The following SYT2 variants were observed in gnomAD, a reference collection of about 807,000 sequenced individuals.
The protein encoded by SYT2 is synaptotagmin 2.
A neutral mutation model predicts 39.9 loss-of-function variants in SYT2; 15 were observed. That is an observed-to-expected ratio of 0.38 (90% CI 0.25 to 0.58). The LOEUF (loss-of-function observed/expected upper bound fraction) is 0.58. Among genes scored for constraint, SYT2 ranks in the 20% least tolerant of loss-of-function variants. The pLI is 0.70. For synonymous variants in SYT2, 181 were observed against 204.5 expected, an observed-to-expected ratio of 0.89 and a Z score of 0.98; for missense variants, 389 against 530.3, an observed-to-expected ratio of 0.73 and a Z score of 2.62.
intron 1 of SYT2, among the ~76,000 whole-genome samples, chr1:202,696,752 C>A (rs1414137066): frequency 1.3e-5 from 2 of 152,222 alleles, no homozygotes; most frequent in African/African-American, 2.4e-5. Context: ...CTGGCCCCAA[C>A]ACTGAGGAGT....
chr1:202,608,581 CAT>C (rs1690783940), intron 1 of SYT2, among the ~76,000 whole-genome samples: 1 of 152,154 alleles, frequency 6.6e-6, no homozygotes, highest in African/African-American at 2.4e-5. Flanking sequence ...TTGCCTAGAA[CAT>C]ATTTTATATT....
intron 1 of SYT2, among the ~76,000 whole-genome samples, chr1:202,616,363 C>A (rs931239688): frequency 6.6e-6 from 1 of 152,126 alleles, no homozygotes; most frequent in Non-Finnish European, 1.5e-5. Context: ...CTTTCTTGTG[C>A]CTAACATTTC....
chr1:202,655,108 G>C (rs1692257202), intron 1 of SYT2, among the ~76,000 whole-genome samples: 1 of 152,162 alleles, frequency 6.6e-6, no homozygotes, highest in South Asian at 2.1e-4. Context: ...GGTGGGTGTT[G>C]AGATGCCTTA....
Position 202,604,557 on chromosome 1 carries a change from G to A in SYT2, c.243C>T (p.Phe81=). The A allele has an allele frequency of 1.2e-6, 2 of 1,614,200 alleles. No individual in the cohort carries two copies. Among genetic ancestry groups the A allele is most frequent in the Non-Finnish European group, 1.7e-6 (2 of 1,180,048 alleles). Residue 81 remains phenylalanine (F), a synonymous_variant, in exon 3 of 9, where the codon TTC becomes TTT. Coordinates refer to ENST00000367268, the MANE Select transcript of SYT2 (RefSeq NM_177402.5). ...TGCAGCAGCATTTCTTGCAGATGCA[G>A]AAGCAGCAGGTGAGAAGCAGGAGCC... ...VAGLLLLTCC[F]CICKKCCCKK...
chr1:202,639,373 G>A (rs1443427435), intron 1 of SYT2: 1 of 303,310 alleles, frequency 3.3e-6, no homozygotes, highest in African/African-American at 2.3e-5. Flanking sequence ...AGGGAGGAAG[G>A]AAAGAGCGTT....
rs1166645631 is a variant in SYT2, at chr1:202,605,525, A to G, written c.178+70T>C. On this transcript the variant is annotated intron_variant, in intron 2 of 8. Coordinates refer to ENST00000367268, the MANE Select transcript of SYT2 (RefSeq NM_177402.5). ...GCCCAGCCAATCACATCCCAGTGGTATCCCCACCCTTCTTCACCTCTCCCA... is the reference window on the plus strand; with the variant it reads ...GCCCAGCCAATCACATCCCAGTGGTGTCCCCACCCTTCTTCACCTCTCCCA... The G allele has an allele frequency of 5.2e-6, 7 of 1,334,208 alleles. No homozygotes were observed. The African/African-American group carries it at 5.7e-5, about 11-fold the overall frequency. The allele number at this position is 1,334,208 out of a possible 1,614,324, so 82.6% of individuals were successfully genotyped here.
rs1558456537 is a variant in SYT2 at position 202,671,911 on chromosome 1, C to T, written c.-18+38347G>A. Among the ~76,000 whole-genome samples, 2 of 152,116 alleles carry T rather than the reference C, an allele frequency of 1.3e-5. 1 individual carries two copies. Among genetic ancestry groups the T allele is most frequent in the African/African-American group, 4.8e-5 (2 of 41,432 alleles). ...TAAAAAAGAAAGAAAAATTTCTCTC[C>T]AGGGAAGATAGCAAATGATTTGTCA... On this transcript the variant is annotated intron_variant, in intron 1 of 8. Coordinates refer to ENST00000367268, the MANE Select transcript of SYT2 (RefSeq NM_177402.5).
chr1:202,596,704 G>T lies in SYT2; in HGVS notation c.*53C>A. 1 of 1,542,260 alleles carries T rather than the reference G, an allele frequency of 6.5e-7. No homozygotes were observed. The highest frequency in any genetic ancestry group is 8.9e-7 in the Non-Finnish European group (1 of 1,122,860). On this transcript the variant is annotated 3_prime_UTR_variant, in exon 9 of 9. Transcript: ENST00000367268. Reference sequence around the variant, plus strand: ...AGGTTGCATAACTGAGGTATTGATAGCTCTGGATCTTGTCAGTGTCCGTGA... The same window carrying T: ...AGGTTGCATAACTGAGGTATTGATATCTCTGGATCTTGTCAGTGTCCGTGA...
chr1:202,671,076 TA>T (rs1045352116), intron 1 of SYT2, among the ~76,000 whole-genome samples: 7 of 152,232 alleles, frequency 4.6e-5, no homozygotes, highest in African/African-American at 1.7e-4. Flanking sequence ...TCAGCTAGCC[TA>T]ATGAAGCAGT....
intron 1 of SYT2, among the ~76,000 whole-genome samples, chr1:202,670,541 G>A (rs1031286612): frequency 6.6e-6 from 1 of 152,090 alleles, no homozygotes; most frequent in African/African-American, 2.4e-5. Flanking sequence ...AGGGGGAGGG[G>A]GAAGAGGAGC....
intron 1 of SYT2, among the ~76,000 whole-genome samples, chr1:202,616,747 C>T (rs1364365999): frequency 6.6e-6 from 1 of 152,238 alleles, no homozygotes; most frequent in African/African-American, 2.4e-5. Flanking sequence ...GACTACTCCT[C>T]CTTCGGTTGC....
At chr1:202,683,311 C>A (rs1376120958) in intron 1 of SYT2, among the ~76,000 whole-genome samples, 2 of 152,204 alleles carry the variant, frequency 1.3e-5, no homozygotes, top group African/African-American at 4.8e-5. Flanking sequence ...ATGTCATTAA[C>A]AGTGGAATGG....
rs1690617741 is a variant in SYT2 at position 202,604,154 on chromosome 1, G to A, written c.345+301C>T. 9.9e-6 allele frequency: 3 copies of A among 303,484 alleles called. No individual in the cohort carries two copies. In the South Asian group the frequency reaches 2.1e-4, roughly 22 times the overall value. The allele number at this position is 303,484 out of a possible 1,614,324, so 18.8% of individuals were successfully genotyped here. On this transcript the variant is annotated intron_variant, in intron 3 of 8. Transcript: ENST00000367268. ...ACACAGGGTTAACTGATGGTGTCTT[G>A]CTGGTGTGGGGCTGTCTCTTTCCAA...
At chr1:202,680,144 C>T (rs1343099762) in intron 1 of SYT2, among the ~76,000 whole-genome samples, 7 of 152,168 alleles carry the variant, frequency 4.6e-5, no homozygotes, top group Non-Finnish European at 1.0e-4. Context: ...TCCCAGAGCC[C>T]AGCACAGGCC....
At chr1:202,700,424 AC>A (rs993669295) in intron 1 of SYT2, among the ~76,000 whole-genome samples, 12 of 152,084 alleles carry the variant, frequency 7.9e-5, no homozygotes, top group African/African-American at 2.9e-4. Context: ...CAGTTCTCAA[AC>A]CTTTTGGTTC....
At chr1:202,685,589 C>G (rs1343017714) in intron 1 of SYT2, among the ~76,000 whole-genome samples, 1 of 152,158 alleles carries the variant, frequency 6.6e-6, no homozygotes, top group Non-Finnish European at 1.5e-5. Flanking sequence ...CCCACCTCAC[C>G]ACATGAAGGG....
At chr1:202,642,939 C>A (rs944693555) in intron 1 of SYT2, among the ~76,000 whole-genome samples, 9 of 152,374 alleles carry the variant, frequency 5.9e-5, no homozygotes, top group Admixed American at 2.6e-4. Flanking sequence ...CGGCTTCTCT[C>A]GCCTTCTCTC....
intron 1 of SYT2, among the ~76,000 whole-genome samples, chr1:202,633,432 G>T (rs1691651419): frequency 6.6e-6 from 1 of 152,070 alleles, no homozygotes; most frequent in African/African-American, 2.4e-5. Flanking sequence ...AAGGTCTCCA[G>T]CCCACACCAA....
intron 1 of SYT2, among the ~76,000 whole-genome samples, chr1:202,626,398 CTTTTTTTT>C (rs58802666): frequency 5.5e-5 from 4 of 72,432 alleles, no homozygotes; most frequent in Non-Finnish European, 1.1e-4. Context: ...AGCCTCTCAG[CTTTTTTTT>C]TTTTTTTTTT....
Sources: gnomAD v4.1 joint callset for allele counts (sites outside exome capture counted in the v4.1 genomes callset) on GRCh38, gnomAD v4.1.1 for gene constraint, MANE v1.5 for transcripts, NCBI Gene and HGNC (gene_info 2026-07-23, HGNC 2026-07-21) for gene names.